The following RBFOX1 variants were observed in gnomAD, a reference collection of about 807,000 sequenced individuals.
RBFOX1 encodes the protein RNA binding protein fox-1 homolog 1.
In RBFOX1, 8 loss-of-function variants were observed where a neutral mutation model predicts 57.7. That is an observed-to-expected ratio of 0.14 (90% CI 0.08 to 0.25). RBFOX1 has a LOEUF of 0.25. Among genes scored for constraint, RBFOX1 ranks in the 10% least tolerant of loss-of-function variants. The pLI is 1.00. For missense variants in RBFOX1, 611 were observed against 548.5 expected (o/e 1.11, Z -1.14); for synonymous variants, 326 against 222.4 (o/e 1.47, Z -4.15).
chr16:7,563,180 C>A (rs745432795), intron 5 of RBFOX1, among the ~76,000 whole-genome samples: 1 of 152,118 alleles, frequency 6.6e-6, no homozygotes, highest in African/African-American at 2.4e-5. Context: ...AATCACTCAA[C>A]CAGGATTTAT....
chr16:7,199,890 A>G (rs1029377878), intron 4 of RBFOX1, among the ~76,000 whole-genome samples: 1 of 150,916 alleles, frequency 6.6e-6, no homozygotes, highest in African/African-American at 2.5e-5. Context: ...GCAAGACTCT[A>G]TCTCAAAAAA....
intron 2 of RBFOX1, among the ~76,000 whole-genome samples, chr16:5,490,179 G>A (rs1005837842): frequency 1.3e-5 from 2 of 152,250 alleles, no homozygotes; most frequent in Admixed American, 1.3e-4. Context: ...GATGGTGGAA[G>A]AGGTTAGGGA....
intron 4 of RBFOX1, among the ~76,000 whole-genome samples, chr16:7,286,776 A>G (rs552525659): frequency 6.6e-6 from 1 of 151,948 alleles, no homozygotes; most frequent in South Asian, 2.1e-4. Context: ...GGTCCCTGCC[A>G]CCATGCCTGG....
chr16:6,854,264 C>G (rs909162974), intron 3 of RBFOX1, among the ~76,000 whole-genome samples: 3 of 152,040 alleles, frequency 2.0e-5, no homozygotes, highest in Admixed American at 1.3e-4. Flanking sequence ...GCACCATTTC[C>G]TAGTTAGAGA....
chr16:6,820,309 G>T (rs568156386), intron 3 of RBFOX1, among the ~76,000 whole-genome samples: 1 of 152,002 alleles, frequency 6.6e-6, no homozygotes, highest in Non-Finnish European at 1.5e-5. Flanking sequence ...AGACTAATAC[G>T]TCCTCTTAAT....
chr16:5,886,478 C>G (rs2057902463), intron 4 of RBFOX1, among the ~76,000 whole-genome samples: 1 of 152,178 alleles, frequency 6.6e-6, no homozygotes, highest in African/African-American at 2.4e-5. Flanking sequence ...ACCATTTCTC[C>G]ATGGATCATT....
chr16:7,426,620 G>A (rs4786168), intron 4 of RBFOX1, among the ~76,000 whole-genome samples: 3,645 of 152,264 alleles, frequency 0.024, 267 homozygotes, highest in East Asian at 0.21. Flanking sequence ...TTAGGCGCAC[G>A]CTGTGCTGCG....
chr16:7,271,094 G>A (rs1309904492), intron 4 of RBFOX1, among the ~76,000 whole-genome samples: 1 of 152,150 alleles, frequency 6.6e-6, no homozygotes, highest in Non-Finnish European at 1.5e-5. Flanking sequence ...CTGAAATAGA[G>A]TGTATCACAT....
At chr16:5,908,163 T>C (rs1458614099) in intron 4 of RBFOX1, among the ~76,000 whole-genome samples, 1 of 98,148 alleles carries the variant, frequency 1.0e-5, no homozygotes, top group Non-Finnish European at 2.0e-5. Context: ...TACACATATA[T>C]ATACACATAT....
rs2079281690 is a variant in RBFOX1, at chr16:6,304,876, C to CAAAAGAAAA, written c.-126-12115_-126-12114insGAAAAAAAA. Among the ~76,000 whole-genome samples, 2 of 79,676 alleles carry CAAAAGAAAA rather than the reference C, an allele frequency of 2.5e-5. 1 individual carries two copies. The highest frequency in any genetic ancestry group is 4.4e-5 in the Non-Finnish European group (2 of 45,418). The allele number at this position is 79,676 out of a possible 152,430, so 52.3% of individuals were successfully genotyped here. A position where few individuals can be genotyped will look rare whatever the true frequency, so the allele number is the denominator to read the frequency against. Reference sequence around the variant, plus strand: ...TGGGTGACACAGTGAGACCCTGTCTCAAAAAAAAAAAAAAAAAAAAGGAAT... The same window carrying CAAAAGAAAA: ...TGGGTGACACAGTGAGACCCTGTCTCAAAAGAAAAAAAAAAAAAAAAAAAAAAAAGGAAT... On this transcript the variant is annotated intron_variant, in intron 1 of 15. Transcript: ENST00000550418.
intron 3 of RBFOX1, among the ~76,000 whole-genome samples, chr16:6,657,731 C>A (rs375297065): frequency 3.3e-5 from 5 of 152,192 alleles, no homozygotes; most frequent in African/African-American, 1.2e-4. Flanking sequence ...AATAAGTAAA[C>A]CTGTCTCTGA....
intron 4 of RBFOX1, among the ~76,000 whole-genome samples, chr16:7,213,997 T>A (rs1438224787): frequency 6.6e-6 from 1 of 152,072 alleles, no homozygotes; most frequent in Non-Finnish European, 1.5e-5. Context: ...ACTGTCCTGA[T>A]GGAGCAGGTG....
At chr16:6,878,069 C>G (rs8059495) in intron 3 of RBFOX1, among the ~76,000 whole-genome samples, 35,725 of 151,988 alleles carry the variant, frequency 0.24, 4,340 homozygotes, top group East Asian at 0.28. Context: ...AAGGGTAGGA[C>G]AGATAGAAGA....
chr16:7,700,606 T>G (rs1365860843), intron 14 of RBFOX1, among the ~76,000 whole-genome samples: 1 of 151,860 alleles, frequency 6.6e-6, no homozygotes, highest in Non-Finnish European at 1.5e-5. Context: ...AGAGCAGGAG[T>G]AGACAAACAA....
chr16:6,699,506 T>C (rs557390979), intron 3 of RBFOX1, among the ~76,000 whole-genome samples: 1 of 152,350 alleles, frequency 6.6e-6, no homozygotes, highest in Admixed American at 6.5e-5. Flanking sequence ...CATTATATAA[T>C]GTGTCCAGTG....
intron 3 of RBFOX1, among the ~76,000 whole-genome samples, chr16:5,677,560 C>T (rs569982609): frequency 1.3e-5 from 2 of 152,158 alleles, no homozygotes; most frequent in Non-Finnish European, 2.9e-5. Flanking sequence ...ATTCACCGGA[C>T]CAATCCATAT....
intron 1 of RBFOX1, among the ~76,000 whole-genome samples, chr16:5,444,536 C>T (rs1020213758): frequency 1.2e-4 from 18 of 152,226 alleles, no homozygotes; most frequent in East Asian, 7.7e-4. Context: ...ATGAAGATTG[C>T]GCCACCGATC....
chr16:5,807,568 A>G (rs1443629534), intron 3 of RBFOX1, among the ~76,000 whole-genome samples: 1 of 152,248 alleles, frequency 6.6e-6, no homozygotes, highest in African/African-American at 2.4e-5. Context: ...GCCTCGTTAT[A>G]ACTTAATTGC....
intron 4 of RBFOX1, among the ~76,000 whole-genome samples, chr16:5,917,531 C>T (rs190104971): frequency 1.3e-5 from 2 of 152,326 alleles, no homozygotes; most frequent in African/African-American, 4.8e-5. Context: ...CCAGGTTGTT[C>T]TGACACCACC....
Sources: allele counts gnomAD v4.1 joint callset (sites outside exome capture counted in the v4.1 genomes callset), GRCh38; gene constraint gnomAD v4.1.1; transcripts MANE v1.5; gene names NCBI Gene and HGNC (gene_info 2026-07-23, HGNC 2026-07-21).